The following TCF4 variants were observed in gnomAD, a reference collection of about 807,000 sequenced individuals.
TCF4 encodes transcription factor 4.
In TCF4, 3 loss-of-function variants were observed where a neutral mutation model predicts 82.1. The observed-to-expected ratio is 0.04, with a 90% CI of 0.02 to 0.09. The LOEUF (loss-of-function observed/expected upper bound fraction) is 0.09, where lower values mean the gene tolerates loss of function less well. Among genes scored for constraint, TCF4 ranks in the 10% least tolerant of loss-of-function variants. The pLI is 1.00. For missense variants in TCF4, 518 were observed against 852.7 expected, an observed-to-expected ratio of 0.61 and a Z score of 4.89; for synonymous variants, 276 against 309.6, an observed-to-expected ratio of 0.89 and a Z score of 1.14.
intron 2 of TCF4, among the ~76,000 whole-genome samples, chr18:55,621,661 ACAT>A (rs2097719850): frequency 2.0e-5 from 1 of 49,412 alleles, no homozygotes; most frequent in Non-Finnish European, 3.8e-5. Flanking sequence ...TATATAATAT[ACAT>A]TATATAATAT....
intron 3 of TCF4, among the ~76,000 whole-genome samples, chr18:55,511,330 T>TAAAAAAAAAAAAAAAAAAAAAAAAAA (rs751932079): frequency 1.4e-5 from 1 of 73,072 alleles, no homozygotes; most frequent in Non-Finnish European, 3.3e-5. Context: ...TTCCAAAAGT[T>TAAAAAAAAAAAAAAAAAAAAAAAAAA]TAAAAAAAAA....
intron 8 of TCF4, among the ~76,000 whole-genome samples, chr18:55,314,834 GGT>G (rs1568942264): frequency 2.6e-5 from 4 of 151,912 alleles, no homozygotes; most frequent in African/African-American, 4.8e-5. Context: ...TTTTTAAAAT[GGT>G]GTGAGTTTTT....
intron 5 of TCF4, chr18:55,423,416 C>CACG (rs1452475579): frequency 2.0e-5 from 2 of 101,714 alleles, no homozygotes; most frequent in East Asian, 7.9e-4. Flanking sequence ...AGGAGAGGCA[C>CACG]ACGCGCGCGC....
rs570590011 is a variant in TCF4, at chr18:55,399,159, T to A, written c.369+4295A>T. ...ACTAAAAGAGGCCAAAAGTTTAGAA[T>A]TAAGTCATTTGTAATACCTATTGAA... On this transcript the variant is annotated intron_variant, in intron 6 of 19. Coordinates refer to ENST00000354452, the MANE Select transcript of TCF4 (RefSeq NM_001083962.2). 1.8e-4 allele frequency among the ~76,000 whole-genome samples: 27 copies of A among 152,328 alleles called. No individual in the cohort carries two copies. The South Asian group carries it at 5.4e-3, about 30-fold the overall frequency.
chr18:55,374,984 G>A (rs1408379087), intron 6 of TCF4, among the ~76,000 whole-genome samples: 2 of 150,324 alleles, frequency 1.3e-5, no homozygotes, highest in Non-Finnish European at 2.9e-5. Flanking sequence ...ATTTCCCAAT[G>A]CATTCAACAG....
intron 4 of TCF4, among the ~76,000 whole-genome samples, chr18:55,462,717 T>C (rs549880231): frequency 6.6e-6 from 1 of 152,260 alleles, no homozygotes; most frequent in Admixed American, 6.5e-5. Flanking sequence ...AACTAAACAA[T>C]TGAGGGGAGT....
chr18:55,332,998 GC>G (rs2077892345), intron 8 of TCF4, among the ~76,000 whole-genome samples: 1 of 152,174 alleles, frequency 6.6e-6, no homozygotes, highest in African/African-American at 2.4e-5. Context: ...TATGAAACAA[GC>G]CTAATCGGTC....
At position 55,633,166 on chromosome 18, in the gene TCF4, G is replaced by A. The variant is rs1354249100; in HGVS notation, c.196-1778C>T. ...AATGTGGCTTAGCCAGATAGTTCTGGCTTACGGTCTGTTCTGAGGTTTGAG... is the reference window on the plus strand; with the variant it reads ...AATGTGGCTTAGCCAGATAGTTCTGACTTACGGTCTGTTCTGAGGTTTGAG... On this transcript the variant is annotated intron_variant, in intron 1 of 20. Transcript: ENST00000398339. This position sits in a 1 kb window ranked among gnomAD's most constrained non-coding sequence, Gnocchi z 4.0. Among the ~76,000 whole-genome samples the A allele has an allele frequency of 6.6e-6, 1 of 152,180 alleles. No homozygotes were observed. The highest frequency in any genetic ancestry group is 1.5e-5 in the Non-Finnish European group (1 of 68,030).
chr18:55,311,582 G>C (rs1160864385), intron 8 of TCF4, among the ~76,000 whole-genome samples: 1 of 152,202 alleles, frequency 6.6e-6, no homozygotes, highest in Non-Finnish European at 1.5e-5. Context: ...ATCTCGAGGA[G>C]TATCTTCTTT....
chr18:55,373,384 G>T (rs1034254391), intron 6 of TCF4, among the ~76,000 whole-genome samples: 2 of 152,154 alleles, frequency 1.3e-5, no homozygotes, highest in South Asian at 4.1e-4. Flanking sequence ...ACAGCTTTGA[G>T]ATATATTTTT....
intron 8 of TCF4, among the ~76,000 whole-genome samples, chr18:55,348,633 A>G (rs2081688462): frequency 6.6e-6 from 1 of 152,192 alleles, no homozygotes; most frequent in Non-Finnish European, 1.5e-5. Flanking sequence ...CTATAGGGAA[A>G]TACTTAAACA....
chr18:55,442,247 G>A (rs1288020238), intron 5 of TCF4, among the ~76,000 whole-genome samples: 2 of 152,142 alleles, frequency 1.3e-5, no homozygotes, highest in African/African-American at 4.8e-5. Context: ...TGTGCAGAAT[G>A]TGCTTCCAAT....
intron 6 of TCF4, chr18:55,402,049 A>T: frequency 1.0e-6 from 1 of 985,430 alleles, no homozygotes; most frequent in Non-Finnish European, 1.2e-6. Flanking sequence ...GAACATTTGC[A>T]CTCACATTCC....
intron 8 of TCF4, among the ~76,000 whole-genome samples, chr18:55,323,126 G>C (rs191805119): frequency 6.6e-6 from 1 of 152,188 alleles, no homozygotes; most frequent in Admixed American, 6.5e-5. Flanking sequence ...AAGGCGGGGG[G>C]AGGTACAAAA....
At chr18:55,274,690 A>C (rs2061110899) in intron 10 of TCF4, among the ~76,000 whole-genome samples, 2 of 152,212 alleles carry the variant, frequency 1.3e-5, no homozygotes, top group South Asian at 4.1e-4. Flanking sequence ...TGGATTTCCC[A>C]TATGCTTTCG....
At chr18:55,588,542 G>C, upstream of TCF4, 1 of 1,530,536 alleles carries the variant, frequency 6.5e-7, no homozygotes, top group East Asian at 2.5e-5. Context: ...GCATCCCTCG[G>C]AGGCACTTTG....
intron 8 of TCF4, among the ~76,000 whole-genome samples, chr18:55,343,882 G>A (rs114020763): frequency 0.011 from 1,676 of 152,134 alleles, 44 homozygotes; most frequent in African/African-American, 0.037. Context: ...ACACACATCC[G>A]GGGATAGTAG....
At chr18:55,390,970 T>C (rs1465801685) in intron 6 of TCF4, among the ~76,000 whole-genome samples, 4 of 151,976 alleles carry the variant, frequency 2.6e-5, no homozygotes, top group African/African-American at 9.7e-5. Context: ...TAGTTGGGAG[T>C]AGCATTCTGG....
chr18:55,334,375 T>G (rs767930182), intron 8 of TCF4, among the ~76,000 whole-genome samples: 5 of 152,162 alleles, frequency 3.3e-5, no homozygotes, highest in Admixed American at 6.5e-5. Context: ...TCTTTAGGTA[T>G]AGTCCAATAA....
Sources: gnomAD v4.1 joint callset for allele counts (sites outside exome capture counted in the v4.1 genomes callset) on GRCh38, gnomAD v4.1.1 for gene constraint, Gnocchi (gnomAD v3.1) non-coding constraint, MANE v1.5 for transcripts, NCBI Gene and HGNC (gene_info 2026-07-23, HGNC 2026-07-21) for gene names.